Variants in TMEM201 observed in about 807,000 individuals in gnomAD.
TMEM201 encodes the protein RP13-15M17.2.
Under a neutral mutation model 63.4 loss-of-function variants are expected in TMEM201, and 26 were observed. That is an observed-to-expected ratio of 0.41 (90% CI 0.30 to 0.57). The LOEUF is 0.57. TMEM201 is among the 20% of genes least tolerant of loss of function. The probability of loss-of-function intolerance (pLI) is 0.29; values close to 1 mark genes in which losing one functional copy is unlikely to be tolerated. For synonymous variants in TMEM201, 417 were observed against 421.6 expected (o/e 0.99, Z 0.14); for missense variants, 794 against 917.7 (o/e 0.87, Z 1.74).
intron 4 of TMEM201, among the ~76,000 whole-genome samples, chr1:9,599,751 T>C (rs1049550436): frequency 6.6e-6 from 1 of 152,146 alleles, no homozygotes; most frequent in Non-Finnish European, 1.5e-5. Context: ...GCCTCCCAAG[T>C]AGCTGGGACT....
At position 9,613,451 on chromosome 1, in the gene TMEM201, C is replaced by T. The variant is rs548145260; in HGVS notation, c.*368C>T. ...TACTGTAACTGCAGCAGGAGCTGCCCGGCCTGCCTTCTGGCCCCACGCCCA... is the reference window on the plus strand; with the variant it reads ...TACTGTAACTGCAGCAGGAGCTGCCTGGCCTGCCTTCTGGCCCCACGCCCA... On this transcript the variant is annotated 3_prime_UTR_variant, in exon 11 of 11. Transcript: ENST00000340381. 5.8e-5 allele frequency: 17 copies of T among 292,144 alleles called. No individual in the cohort carries two copies. Among genetic ancestry groups the T allele is most frequent in the East Asian group, 1.4e-4 (2 of 14,026 alleles). 18.1% of individuals were successfully genotyped at this position (292,144 alleles called of 1,614,324 possible). A position where few individuals can be genotyped will look rare whatever the true frequency, so the allele number is the denominator to read the frequency against.
chr1:9,611,068 T>C (rs1349101522), intron 9 of TMEM201: 4 of 1,512,424 alleles, frequency 2.6e-6, no homozygotes, highest in Middle Eastern at 3.4e-4. Flanking sequence ...CATCACGCAT[T>C]GCCAGGTGCG....
In TMEM201 at chr1:9,601,309, T is replaced by C. The variant is rs1419883227; in HGVS notation, c.811T>C (p.Trp271Arg). 6.2e-7 allele frequency: 1 copy of C among 1,609,730 alleles called. No homozygotes were observed. Among genetic ancestry groups the C allele is most frequent in the South Asian group, 1.1e-5 (1 of 91,078 alleles). ...TGGCACCACCCCTGGGGCCGAGGGC[T>C]GGCGGCAGTTGCTGGGCCTACTCCC... Reference protein sequence around the residue: ...DNGTTPGAEGWRQLLGLLPEH... With the variant: ...DNGTTPGAEGRRQLLGLLPEH... The change falls in exon 5 of 11, where the codon TGG (tryptophan) becomes CGG (arginine). Residue 271 changes from tryptophan (W) to arginine (R), a missense_variant. By Grantham distance (101) the Trp-to-Arg change is moderately radical (BLOSUM62 -3). Transcript: ENST00000340381.
At position 9,603,515 on chromosome 1, in the gene TMEM201, C is replaced by T. The variant is rs1569943892; in HGVS notation, c.1160+1243C>T. 3 of 985,544 alleles carry T rather than the reference C, an allele frequency of 3.0e-6. No homozygotes were observed. The highest frequency in any genetic ancestry group is 1.7e-5 in the African/African-American group (1 of 57,366). The allele number at this position is 985,544 out of a possible 1,614,324, so 61.0% of individuals were successfully genotyped here. A position where few individuals can be genotyped will look rare whatever the true frequency, so the allele number is the denominator to read the frequency against. The stretch of plus-strand genomic sequence containing the variant: ...CTCAGGGCCCACATGTCCTGCCACT[C>T]GCCACTCTGAGCACGAGTTCACCTT... On this transcript the variant is annotated intron_variant, in intron 6 of 10. Transcript: ENST00000340381. The surrounding 1 kb of genome is among the most constrained non-coding windows in gnomAD (Gnocchi z 4.5).
chr1:9,603,357 GAC>G lies in TMEM201; in HGVS notation c.1160+1090_1160+1091del, dbSNP rs1644182910. ...GGGATCACATGAGGTGGCTCATGAG[GAC>G]ACACTCTGGAAGTCGAGGGGCTGCC... On this transcript the variant is annotated intron_variant, in intron 6 of 10. Coordinates refer to ENST00000340381, the MANE Select transcript of TMEM201 (RefSeq NM_001130924.3). The surrounding 1 kb of genome is among the most constrained non-coding windows in gnomAD (Gnocchi z 4.5). The G allele has an allele frequency of 4.1e-6, 4 of 985,382 alleles. No homozygotes were observed. Among genetic ancestry groups the G allele is most frequent in the South Asian group, 4.7e-5 (1 of 21,294 alleles). 61.0% of individuals were successfully genotyped at this position (985,382 alleles called of 1,614,324 possible). A position where few individuals can be genotyped will look rare whatever the true frequency, so the allele number is the denominator to read the frequency against.
At chr1:9,595,725 G>A (rs1339918764) in intron 1 of TMEM201, among the ~76,000 whole-genome samples, 165 bp from the exon 2 acceptor site, 2 of 152,138 alleles carry the variant, frequency 1.3e-5, no homozygotes, top group African/African-American at 4.8e-5. Flanking sequence ...CAGAGCCCTT[G>A]TTCCTCCTGC....
Position 9,604,555 on chromosome 1 carries a change from C to T in TMEM201, c.1160+2283C>T, listed in dbSNP as rs746638941. 2.0e-6 allele frequency: 2 copies of T among 985,470 alleles called. No homozygotes were observed. Among genetic ancestry groups the T allele is most frequent in the Non-Finnish European group, 2.4e-6 (2 of 829,950 alleles). The allele number at this position is 985,470 out of a possible 1,614,324, so 61.0% of individuals were successfully genotyped here. ...ACCCCTGCCAGGGAACTCTTCTCCTCGCGGGGGACTTGGGATGGCCATCAG... is the reference window on the plus strand; with the variant it reads ...ACCCCTGCCAGGGAACTCTTCTCCTTGCGGGGGACTTGGGATGGCCATCAG... On this transcript the variant is annotated intron_variant, in intron 6 of 10. Coordinates refer to ENST00000340381, the MANE Select transcript of TMEM201 (RefSeq NM_001130924.3). The surrounding 1 kb of genome is among the most constrained non-coding windows in gnomAD (Gnocchi z 4.1).
In TMEM201 at chr1:9,607,620, G is replaced by GAGTGTC; in HGVS notation, c.1225_1230dup (p.Ser409_Val410dup). 1.3e-6 allele frequency: 2 copies of GAGTGTC among 1,551,714 alleles called. No individual in the cohort carries two copies. On this transcript the variant is annotated inframe_insertion, in exon 7 of 11. Coordinates refer to ENST00000340381, the MANE Select transcript of TMEM201 (RefSeq NM_001130924.3). This position sits in a 1 kb window ranked among gnomAD's most constrained non-coding sequence, Gnocchi z 5.4. ...GCCCCAGCTTGGCCATCCCTCACCC[G>GAGTGTC]AGTGTCGGAGGCTCTCCAGCGTCTC...
At chr1:9,602,896 C>G in intron 6 of TMEM201, 2 of 985,690 alleles carry the variant, frequency 2.0e-6, no homozygotes, top group Non-Finnish European at 2.4e-6. Flanking sequence ...AGCTGCAGCT[C>G]TGGCTGCTGC....
Position 9,601,235 on chromosome 1 carries a change from T to G in TMEM201, c.737T>G (p.Val246Gly), listed in dbSNP as rs1177635184. 1 of 1,611,846 alleles carries G rather than the reference T, an allele frequency of 6.2e-7. No homozygotes were observed. Among genetic ancestry groups the G allele is most frequent in the South Asian group, 1.1e-5 (1 of 91,074 alleles). Residue 246 changes from valine to glycine, a missense_variant, in exon 5 of 11, where the codon GTG becomes GGG. Val to Gly is a moderately radical substitution (Grantham distance 109). Coordinates refer to ENST00000340381, the MANE Select transcript of TMEM201 (RefSeq NM_001130924.3). ...GGACACTTCGCCCCAGGCACCACTG[T>G]GCCCCTGGCCCTGCCACCTGGTGGC... is the stretch of plus-strand genomic sequence containing the variant. ...ASGHFAPGTTVPLALPPGGNG... is the reference protein window; with the variant it reads ...ASGHFAPGTTGPLALPPGGNG...
chr1:9,607,455 C>T lies in TMEM201; in HGVS notation c.1161-102C>T. 3.4e-6 allele frequency: 3 copies of T among 871,282 alleles called. No homozygotes were observed. The highest frequency in any genetic ancestry group is 3.5e-6 in the Non-Finnish European group (2 of 578,976). 54.0% of individuals were successfully genotyped at this position (871,282 alleles called of 1,614,324 possible). ...CCTCCTCTGGGACCCCAGCTGAGGC[C>T]CCCACCTTGCACTGTGGGAGAGGGG... On this transcript the variant is annotated intron_variant, in intron 6 of 10. Transcript: ENST00000340381. This position sits in a 1 kb window ranked among gnomAD's most constrained non-coding sequence, Gnocchi z 5.4.
intron 1 of TMEM201, among the ~76,000 whole-genome samples, chr1:9,595,390 G>A (rs1217331501): frequency 6.6e-6 from 1 of 152,168 alleles, no homozygotes; most frequent in African/African-American, 2.4e-5. Context: ...GAGCACAGGA[G>A]GCCCCTTTCA....
chr1:9,598,090 G>A (rs569918748), intron 3 of TMEM201, among the ~76,000 whole-genome samples: 2 of 152,318 alleles, frequency 1.3e-5, no homozygotes, highest in South Asian at 4.1e-4. Context: ...TCCAGGCAGT[G>A]TCAGCCCGCA....
Position 9,603,288 on chromosome 1 carries a change from T to C in TMEM201, c.1160+1016T>C. 1.0e-6 allele frequency: 1 copy of C among 984,440 alleles called. No individual in the cohort carries two copies. The highest frequency in any genetic ancestry group is 1.2e-6 in the Non-Finnish European group (1 of 829,074). The allele number at this position is 984,440 out of a possible 1,614,324, so 61.0% of individuals were successfully genotyped here. On this transcript the variant is annotated intron_variant, in intron 6 of 10. Transcript: ENST00000340381. This position sits in a 1 kb window ranked among gnomAD's most constrained non-coding sequence, Gnocchi z 4.5. Reference sequence around the variant, plus strand: ...TCAGTTTGCCATCTATGAAATGAGGTGGACCCCTCTCCATAGCCCTTGGGT... The same window carrying C: ...TCAGTTTGCCATCTATGAAATGAGGCGGACCCCTCTCCATAGCCCTTGGGT...
rs763171920 is a variant in TMEM201, at chr1:9,602,268, C to A, written c.1156C>A (p.Arg386=). 2 of 1,611,066 alleles carry A rather than the reference C, an allele frequency of 1.2e-6. No homozygotes were observed. The highest frequency in any genetic ancestry group is 2.0e-4 in the Middle Eastern group (1 of 4,902). ...AACGGGCCCACGGAGGTTCCGGCCCCGAAGGTCAGAGAAGCAGCCATGACT... is the reference window on the plus strand; with the variant it reads ...AACGGGCCCACGGAGGTTCCGGCCCAGAAGGTCAGAGAAGCAGCCATGACT... ...KATGPRRFRP[R]RFFPGDSAGL... The change falls in exon 6 of 11, where the codon CGA becomes AGA. Residue 386 remains arginine, a synonymous_variant. Coordinates refer to ENST00000340381, the MANE Select transcript of TMEM201 (RefSeq NM_001130924.3).
Position 9,613,929 on chromosome 1 carries a change from T to A in TMEM201, c.*846T>A, listed in dbSNP as rs1263677416. The stretch of plus-strand genomic sequence containing the variant: ...CCCTTCGACCACCCTACTGGGCACC[T>A]GCCTCCAGCCCCTGAGAACTCCATC... On this transcript the variant is annotated 3_prime_UTR_variant, in exon 11 of 11. Transcript: ENST00000340381. 6.6e-6 allele frequency: 1 copy of A among 152,340 alleles called. No individual in the cohort carries two copies. Among genetic ancestry groups the A allele is most frequent in the Non-Finnish European group, 1.5e-5 (1 of 68,158 alleles). 9.4% of individuals were successfully genotyped at this position (152,340 alleles called of 1,614,324 possible). A position where few individuals can be genotyped will look rare whatever the true frequency, so the allele number is the denominator to read the frequency against.
In TMEM201 at chr1:9,601,185, G is replaced by C. The variant is rs11557521; in HGVS notation, c.687G>C (p.Leu229=). The change falls in exon 5 of 11, where the codon CTG becomes CTC. Residue 229 remains leucine, a synonymous_variant. Transcript: ENST00000340381. ...ALAFLACAFL[L]TTALYGASGH... Reference sequence around the variant, plus strand: ...CCTTCCTGGCCTGCGCCTTCCTACTGACCACCGCGCTGTATGGGGCCAGCG... The same window carrying C: ...CCTTCCTGGCCTGCGCCTTCCTACTCACCACCGCGCTGTATGGGGCCAGCG... 52 of 1,612,550 alleles carry C rather than the reference G, an allele frequency of 3.2e-5. 1 individual carries two copies. The South Asian group carries it at 5.6e-4, about 17-fold the overall frequency.
chr1:9,596,182 C>T (rs1325244166), intron 2 of TMEM201, among the ~76,000 whole-genome samples, 172 bp downstream of exon 2: 1 of 152,186 alleles, frequency 6.6e-6, no homozygotes, highest in African/African-American at 2.4e-5. Context: ...TTGTCTCACT[C>T]GATTCTCACC....
At chr1:9,595,750 C>T in intron 1 of TMEM201, 140 bp from the exon 2 acceptor site, 4 of 1,232,642 alleles carry the variant, frequency 3.2e-6, no homozygotes, top group South Asian at 1.4e-5. Flanking sequence ...CTGGGGCCAG[C>T]ATCTCCAGCT....
Sources: gnomAD v4.1 joint callset for allele counts (sites outside exome capture counted in the v4.1 genomes callset) on GRCh38, gnomAD v4.1.1 for gene constraint, Gnocchi (gnomAD v3.1) non-coding constraint, MANE v1.5 for transcripts, NCBI Gene and HGNC (gene_info 2026-07-23, HGNC 2026-07-21) for gene names.